MYO18B: variants seen among roughly 807,000 people sequenced by gnomAD.
MYO18B encodes the protein unconventional myosin-XVIIIb.
A neutral mutation model predicts 273.0 loss-of-function variants in MYO18B; 204 were observed. That is an observed-to-expected ratio of 0.75 (90% CI 0.67 to 0.84). The LOEUF (loss-of-function observed/expected upper bound fraction) is 0.84. Among genes scored for constraint, MYO18B ranks in the 40% least tolerant of loss-of-function variants. The pLI, the probability that MYO18B is intolerant of heterozygous loss-of-function variation, is 0.00. For missense variants in MYO18B, 3,212 were observed against 3,287.6 expected (o/e 0.98, Z 0.56); for synonymous variants, 1,330 against 1,305.7 (o/e 1.02, Z -0.40).
At position 25,768,756 on chromosome 22, in the gene MYO18B, G is replaced by T; in HGVS notation, c.840G>T (p.Gly280=). The change falls in exon 4 of 44, where the codon GGG becomes GGT. Residue 280 remains glycine, a synonymous_variant. Coordinates refer to ENST00000335473, the MANE Select transcript of MYO18B (RefSeq NM_032608.7). ...GGCCCGGCGAGGGGGTGCGACCAGGGAAAGCAGAGAAGGAGGGAGCAGAGC... is the reference window on the plus strand; with the variant it reads ...GGCCCGGCGAGGGGGTGCGACCAGGTAAAGCAGAGAAGGAGGGAGCAGAGC... ...AQGPGEGVRP[G]KAEKEGAEPT... The T allele has an allele frequency of 6.2e-7, 1 of 1,606,774 alleles. No individual in the cohort carries two copies. Among genetic ancestry groups the T allele is most frequent in the Non-Finnish European group, 8.5e-7 (1 of 1,176,542 alleles).
chr22:25,843,568 T>G (rs1308421122), intron 17 of MYO18B, among the ~76,000 whole-genome samples, 167 bp from the exon 18 acceptor site: 1 of 152,190 alleles, frequency 6.6e-6, no homozygotes, highest in African/African-American at 2.4e-5. Flanking sequence ...ACTTTGGAAA[T>G]AATGTACACA....
chr22:25,799,730 C>T (rs1052643550), intron 12 of MYO18B, among the ~76,000 whole-genome samples: 1 of 152,210 alleles, frequency 6.6e-6, no homozygotes, highest in East Asian at 1.9e-4. Context: ...GAGCCACATA[C>T]ATTAACCCAT....
rs1015468223 is a variant in MYO18B at position 25,883,215 on chromosome 22, C to T, written c.4314+5167C>T. Among the ~76,000 whole-genome samples the T allele has an allele frequency of 2.6e-5, 4 of 152,164 alleles. No individual in the cohort carries two copies. The highest frequency in any genetic ancestry group is 4.4e-5 in the Non-Finnish European group (3 of 68,022). ...TGTAATTACACTTTAAAGAGCATTC[C>T]AGTCACCTGGGGAACAGTTAGCTCT... On this transcript the variant is annotated intron_variant, in intron 25 of 43. Coordinates refer to ENST00000335473, the MANE Select transcript of MYO18B (RefSeq NM_032608.7). The surrounding 1 kb of genome is among the most constrained non-coding windows in gnomAD (Gnocchi z 7.6).
chr22:25,962,436 TC>T (rs2092928227), intron 39 of MYO18B, among the ~76,000 whole-genome samples: 1 of 152,220 alleles, frequency 6.6e-6, no homozygotes, highest in African/African-American at 2.4e-5. Flanking sequence ...AATAATTTTC[TC>T]AGCATTTTGA....
Position 25,840,246 on chromosome 22 carries a change from C to T in MYO18B, c.3209-3489C>T, listed in dbSNP as rs191325320. Among the ~76,000 whole-genome samples the T allele has an allele frequency of 3.3e-5, 5 of 152,348 alleles. No individual in the cohort carries two copies. In the East Asian group the frequency reaches 9.6e-4, roughly 29 times the overall value. ...CCATATGTGCATGTTCCTCTCCTCT[C>T]TCCTGTCACCATCACACAGCTCTCT... On this transcript the variant is annotated intron_variant, in intron 17 of 43. Transcript: ENST00000335473.
intron 37 of MYO18B, 27 bp from the exon 38 acceptor site, chr22:25,952,259 T>C: frequency 6.2e-7 from 1 of 1,602,590 alleles, no homozygotes; most frequent in Non-Finnish European, 8.5e-7. Context: ...ACAACAGATG[T>C]CCAATAGACT....
At chr22:25,929,772 G>A (rs2092471817) in intron 34 of MYO18B, among the ~76,000 whole-genome samples, 1 of 152,100 alleles carries the variant, frequency 6.6e-6, no homozygotes, top group Non-Finnish European at 1.5e-5. Flanking sequence ...CTCTCTGCTT[G>A]TATTACAGTC....
At chr22:25,923,905 C>A (rs1823790272) in intron 34 of MYO18B, among the ~76,000 whole-genome samples, 1 of 152,030 alleles carries the variant, frequency 6.6e-6, no homozygotes, top group African/African-American at 2.4e-5. Context: ...TGAGAATTCT[C>A]CCTCTGCAGG....
In MYO18B at chr22:25,768,153, C is replaced by T. The variant is rs1006347118; in HGVS notation, c.237C>T (p.Ser79=). ...EISISQPNSK[S]SSGTRSGSQQ... is the part of the protein sequence containing the mutation. ...CCATCAGCCAACCCAACAGCAAGTC[C>T]AGCAGTGGCACCAGATCTGGAAGCC... The change falls in exon 4 of 44, where the codon TCC becomes TCT. Residue 79 remains serine, a synonymous_variant. Transcript: ENST00000335473. The T allele has an allele frequency of 6.2e-7, 1 of 1,610,416 alleles. No individual in the cohort carries two copies. Among genetic ancestry groups the T allele is most frequent in the African/African-American group, 1.3e-5 (1 of 74,840 alleles).
At position 25,770,139 on chromosome 22, in the gene MYO18B, G is replaced by C. The variant is rs1316767210; in HGVS notation, c.1542G>C (p.Glu514Asp). The C allele has an allele frequency of 6.2e-7, 1 of 1,613,956 alleles. No homozygotes were observed. The highest frequency in any genetic ancestry group is 1.1e-5 in the South Asian group (1 of 91,076). ...QAPEDRWYEA[E>D]KVWLAQKDGF... ...CTGAGGACAGATGGTATGAGGCAGA[G>C]AAAGTCTGGCTGGCTCAGAAGGATG... The change falls in exon 5 of 44, where the codon GAG (glutamate) becomes GAC (aspartate). Residue 514 changes from glutamate (E) to aspartate (D), a missense_variant. By Grantham distance (45) the Glu-to-Asp change is conservative. Transcript: ENST00000335473.
rs543944843 is a variant in MYO18B, at chr22:25,755,767, C to G, written c.-109-5217C>G. Among the ~76,000 whole-genome samples, 8 of 152,304 alleles carry G rather than the reference C, an allele frequency of 5.3e-5. No individual in the cohort carries two copies. The South Asian group carries it at 1.7e-3, about 32-fold the overall frequency. The stretch of plus-strand genomic sequence containing the variant: ...CCTCCCTCTCTCTGTCTCTCGCTCC[C>G]TCTCTCATCACGTGATGCCAGCTCC... On this transcript the variant is annotated intron_variant, in intron 1 of 43. Coordinates refer to ENST00000335473, the MANE Select transcript of MYO18B (RefSeq NM_032608.7).
At chr22:26,056,888 C>T in the MYO18B span, among the ~76,000 whole-genome samples, 3 of 152,140 alleles carry the variant, frequency 2.0e-5, no homozygotes, top group Non-Finnish European at 2.9e-5. Flanking sequence ...ATGAACGTGC[C>T]TGCCTTTTCC....
intron 3 of MYO18B, among the ~76,000 whole-genome samples, chr22:25,764,333 G>T (rs1436199397): frequency 6.6e-6 from 1 of 152,202 alleles, no homozygotes; most frequent in Admixed American, 6.5e-5. Context: ...GGACCATGAG[G>T]GAGGCAGGCT....
intron 40 of MYO18B, among the ~76,000 whole-genome samples, chr22:25,999,819 C>T (rs964315272): frequency 6.6e-6 from 1 of 152,064 alleles, no homozygotes; most frequent in Non-Finnish European, 1.5e-5. Context: ...CCACACCCGA[C>T]TAATTTTTGT....
intron 31 of MYO18B, among the ~76,000 whole-genome samples, chr22:25,904,452 G>C (rs1430790885): frequency 6.6e-6 from 1 of 152,194 alleles, no homozygotes; most frequent in Non-Finnish European, 1.5e-5. Context: ...GAGACTCAGA[G>C]ACATGGAGAA....
At chr22:26,006,767 T>C (rs1934454550) in intron 42 of MYO18B, among the ~76,000 whole-genome samples, 1 of 152,254 alleles carries the variant, frequency 6.6e-6, no homozygotes, top group South Asian at 2.1e-4. Context: ...GGTAATGTGG[T>C]GATGCACAAG....
the MYO18B span, among the ~76,000 whole-genome samples, chr22:26,053,616 C>T: frequency 2.0e-5 from 3 of 152,194 alleles, no homozygotes; most frequent in Non-Finnish European, 4.4e-5. Context: ...TAAAAATTTT[C>T]CTAGAGAGCT....
intron 42 of MYO18B, chr22:26,006,513 A>ATC (rs1934431802): frequency 3.5e-6 from 1 of 287,226 alleles, no homozygotes; most frequent in Non-Finnish European, 7.1e-6. Context: ...AGAAAGCATA[A>ATC]TCTATAGGAA....
intron 20 of MYO18B, among the ~76,000 whole-genome samples, chr22:25,850,932 C>T (rs1443783389): frequency 6.6e-6 from 1 of 152,216 alleles, no homozygotes; most frequent in African/African-American, 2.4e-5. Context: ...TGCCCCTTCT[C>T]TTCCCAGTTC....
Sources: allele counts gnomAD v4.1 joint callset (sites outside exome capture counted in the v4.1 genomes callset), GRCh38; gene constraint gnomAD v4.1.1; non-coding constraint Gnocchi (gnomAD v3.1); transcripts MANE v1.5; gene names NCBI Gene and HGNC (gene_info 2026-07-23, HGNC 2026-07-21).